DMGDH: variants seen among roughly 807,000 people sequenced by gnomAD.
DMGDH encodes the protein dimethylglycine dehydrogenase, also known as dimethylglycine dehydrogenase, mitochondrial.
In DMGDH, 76 loss-of-function variants were observed where a neutral mutation model predicts 95.2. The ratio of observed to expected loss-of-function variants is 0.80; its 90% CI spans 0.66 to 0.97. The LOEUF is 0.97. Among genes scored for constraint, DMGDH ranks in the 50% least tolerant of loss-of-function variants. DMGDH has a pLI of 0.00. For synonymous variants in DMGDH, 345 were observed against 377.6 expected (o/e 0.91, Z 1.00); for missense variants, 987 against 1,055.0 (o/e 0.94, Z 0.89).
intron 14 of DMGDH, among the ~76,000 whole-genome samples, chr5:79,006,833 C>T (rs1485885920): frequency 7.0e-6 from 1 of 142,268 alleles, no homozygotes; most frequent in East Asian, 2.0e-4. Context: ...TCCTCACACA[C>T]CCTCACCTGA....
At chr5:79,040,460 A>G (rs74603482) in intron 7 of DMGDH, among the ~76,000 whole-genome samples, 2,779 of 152,346 alleles carry the variant, frequency 0.018, 90 homozygotes, top group African/African-American at 0.063. Context: ...GAATTAACTC[A>G]TGACTGATTA....
At chr5:79,047,296 G>A (rs1754706523) in intron 5 of DMGDH, among the ~76,000 whole-genome samples, 1 of 152,092 alleles carries the variant, frequency 6.6e-6, no homozygotes, top group Non-Finnish European at 1.5e-5. Flanking sequence ...ATAAAAATGA[G>A]GTTAAAATGC....
intron 6 of DMGDH, among the ~76,000 whole-genome samples, chr5:79,043,934 G>A (rs1178704083): frequency 6.6e-6 from 1 of 152,144 alleles, no homozygotes; most frequent in African/African-American, 2.4e-5. Flanking sequence ...TGTGTTTCCA[G>A]CTGTAAAAGC....
intron 15 of DMGDH, chr5:79,000,581 T>G: frequency 1.7e-6 from 1 of 604,906 alleles, no homozygotes; most frequent in South Asian, 1.4e-5. Flanking sequence ...GTCACCGAAC[T>G]TTCTGGCTGA....
intron 11 of DMGDH, among the ~76,000 whole-genome samples, chr5:79,029,355 T>C (rs116444007): frequency 0.022 from 3,342 of 152,234 alleles, 115 homozygotes; most frequent in African/African-American, 0.075. Context: ...CCAAAAATAT[T>C]TGGAATATTA....
intron 14 of DMGDH, among the ~76,000 whole-genome samples, chr5:79,013,495 T>C (rs1753679395): frequency 6.6e-6 from 1 of 152,208 alleles, no homozygotes; most frequent in Non-Finnish European, 1.5e-5. Flanking sequence ...CTCTGCCCAT[T>C]ACCCAGTTCC....
chr5:79,063,585 T>A, intron 2 of DMGDH, 28 bp downstream of exon 2: 1 of 1,614,138 alleles, frequency 6.2e-7, no homozygotes, highest in Non-Finnish European at 8.5e-7. Flanking sequence ...AATTCCACGC[T>A]TATGACAGTT....
chr5:79,050,268 AAAAAAATATATAT>A (rs1477796084), intron 5 of DMGDH, among the ~76,000 whole-genome samples: 1 of 59,296 alleles, frequency 1.7e-5, no homozygotes, highest in African/African-American at 8.1e-5. Context: ...AAAAAAAAAA[AAAAAAATATATAT>A]ATATATATAT....
chr5:79,020,006 C>T (rs1028134131), intron 14 of DMGDH, among the ~76,000 whole-genome samples: 9 of 152,152 alleles, frequency 5.9e-5, no homozygotes, highest in African/African-American at 2.2e-4. Flanking sequence ...TCTAGCAGGT[C>T]CCAGGTGACA....
chr5:79,041,027 G>GTC (rs1002725496), intron 7 of DMGDH, among the ~76,000 whole-genome samples: 3 of 152,130 alleles, frequency 2.0e-5, no homozygotes, highest in Admixed American at 6.5e-5. Flanking sequence ...TTATTTTCTT[G>GTC]TCTCTCTCTC....
chr5:79,060,042 T>C (rs1755152100), intron 2 of DMGDH, among the ~76,000 whole-genome samples: 1 of 152,180 alleles, frequency 6.6e-6, no homozygotes. Context: ...ATGAGGACAC[T>C]CCCACCATGA....
chr5:79,048,768 TACACACAC>T (rs35837828), intron 5 of DMGDH, among the ~76,000 whole-genome samples: 5 of 147,156 alleles, frequency 3.4e-5, no homozygotes, highest in Non-Finnish European at 7.5e-5. Flanking sequence ...AAAACACACA[TACACACAC>T]ACACACACAC....
intron 1 of DMGDH, among the ~76,000 whole-genome samples, chr5:79,065,492 A>G (rs1314717363): frequency 1.3e-5 from 2 of 152,166 alleles, no homozygotes; most frequent in South Asian, 2.1e-4. Context: ...GATTACAGGC[A>G]TGAGCCACCA....
intron 2 of DMGDH, among the ~76,000 whole-genome samples, chr5:79,056,683 T>A (rs1755039238): frequency 6.6e-6 from 1 of 151,604 alleles, no homozygotes; most frequent in Non-Finnish European, 1.5e-5. Flanking sequence ...GAGAAACCCC[T>A]TCTCTACTAA....
At chr5:79,061,223 A>ACACT in intron 2 of DMGDH, among the ~76,000 whole-genome samples, 1 of 11,130 alleles carries the variant, frequency 9.0e-5, no homozygotes. Context: ...TGTCTCAAAC[A>ACACT]CACACACACA....
chr5:79,018,669 A>G (rs1370575290), intron 14 of DMGDH, among the ~76,000 whole-genome samples: 4 of 152,184 alleles, frequency 2.6e-5, no homozygotes, highest in South Asian at 2.1e-4. Context: ...CAATTATTGC[A>G]TGTTCAAATA....
intron 9 of DMGDH, among the ~76,000 whole-genome samples, chr5:79,032,262 A>G (rs954538414): frequency 3.3e-5 from 5 of 152,218 alleles, no homozygotes; most frequent in Admixed American, 3.3e-4. Context: ...CACACTCTAG[A>G]AAGCAGTTGC....
chr5:79,060,361 T>C (rs1249808132), intron 2 of DMGDH, among the ~76,000 whole-genome samples: 1 of 152,208 alleles, frequency 6.6e-6, no homozygotes, highest in Non-Finnish European at 1.5e-5. Flanking sequence ...AAATGCTCTA[T>C]CCTATTAGGT....
chr5:79,047,857 C>T (rs1730891823), intron 5 of DMGDH, among the ~76,000 whole-genome samples: 1 of 152,156 alleles, frequency 6.6e-6, no homozygotes, highest in Non-Finnish European at 1.5e-5. Context: ...TAAAATGCAG[C>T]TTCTGAGAAC....
Sources: gnomAD v4.1 joint callset for allele counts (sites outside exome capture counted in the v4.1 genomes callset) on GRCh38, gnomAD v4.1.1 for gene constraint, MANE v1.5 for transcripts, NCBI Gene and HGNC (gene_info 2026-07-23, HGNC 2026-07-21) for gene names.